The following AJAP1 variants were observed in gnomAD, a reference collection of about 807,000 sequenced individuals.
AJAP1 encodes the protein adherens junction-associated protein 1.
A neutral mutation model predicts 35.0 loss-of-function variants in AJAP1; 5 were observed. The observed-to-expected ratio is 0.14, with a 90% CI of 0.07 to 0.30. The LOEUF (loss-of-function observed/expected upper bound fraction) is 0.30. AJAP1 is among the 10% of genes least tolerant of loss of function. The pLI, the probability that AJAP1 is intolerant of heterozygous loss-of-function variation, is 1.00. For missense variants in AJAP1, 586 were observed against 571.0 expected, an observed-to-expected ratio of 1.03 and a Z score of -0.27; for synonymous variants, 284 against 249.3, an observed-to-expected ratio of 1.14 and a Z score of -1.31.
chr1:4,769,729 C>T lies in AJAP1; in HGVS notation c.830-124C>T. The T allele has an allele frequency of 8.6e-6, 7 of 811,018 alleles. No individual in the cohort carries two copies. In the South Asian group the frequency reaches 9.9e-5, roughly 11 times the overall value. 50.2% of individuals were successfully genotyped at this position (811,018 alleles called of 1,614,324 possible). On this transcript the variant is annotated intron_variant, in intron 2 of 5. Coordinates refer to ENST00000378191, the MANE Select transcript of AJAP1 (RefSeq NM_018836.4). ...CACCTGTCATGCTGCCCCGAGTTCC[C>T]CGCTGCGGATGGGACCTGGCATCCC...
chr1:4,676,131 G>A (rs889051856), intron 1 of AJAP1, among the ~76,000 whole-genome samples: 2 of 152,152 alleles, frequency 1.3e-5, no homozygotes, highest in African/African-American at 2.4e-5. Flanking sequence ...GATCCCCGGC[G>A]AGTTCATGAT....
intron 4 of AJAP1, among the ~76,000 whole-genome samples, chr1:4,773,118 TA>T (rs1641875534): frequency 2.0e-5 from 3 of 152,204 alleles, no homozygotes; most frequent in Admixed American, 2.0e-4. Flanking sequence ...TGTCCAGAAT[TA>T]AATTAAAGTA....
At position 4,656,824 on chromosome 1, in the gene AJAP1, C is replaced by A. The variant is rs1638892946; in HGVS notation, c.29+1370C>A. ...TGTGGGATATTGGTCGGGCGTGAAT[C>A]GATAAGTGTGCTTGGGCTAGATAAG... On this transcript the variant is annotated intron_variant, in intron 1 of 5. Transcript: ENST00000378191. This position sits in a 1 kb window ranked among gnomAD's most constrained non-coding sequence, Gnocchi z 5.7. 1.3e-5 allele frequency among the ~76,000 whole-genome samples: 2 copies of A among 152,100 alleles called. No individual in the cohort carries two copies. Among genetic ancestry groups the A allele is most frequent in the Admixed American group, 1.3e-4 (2 of 15,266 alleles).
In AJAP1 at chr1:4,681,849, C is replaced by G. The variant is rs548073695; in HGVS notation, c.29+26395C>G. On this transcript the variant is annotated intron_variant, in intron 1 of 5. Transcript: ENST00000378191. The stretch of plus-strand genomic sequence containing the variant: ...GGCGATTCACTCATGATCTCTGCCT[C>G]GGTCTCCCCACCTGCAAAATGAAGG... Among the ~76,000 whole-genome samples, 155 of 152,244 alleles carry G rather than the reference C, an allele frequency of 1.0e-3. 1 individual carries two copies. The highest frequency in any genetic ancestry group is 1.9e-3 in the Non-Finnish European group (127 of 68,018).
chr1:4,673,072 G>A (rs1019968249), intron 1 of AJAP1, among the ~76,000 whole-genome samples: 3 of 152,194 alleles, frequency 2.0e-5, no homozygotes, highest in Non-Finnish European at 4.4e-5. Flanking sequence ...CTGACAACCT[G>A]AATGAGCTTG....
chr1:4,660,766 CAT>C (rs1414703921), intron 1 of AJAP1, among the ~76,000 whole-genome samples: 1 of 152,114 alleles, frequency 6.6e-6, no homozygotes, highest in Non-Finnish European at 1.5e-5. Flanking sequence ...GTCTCTACCA[CAT>C]ATTTTAGAAC....
chr1:4,691,125 T>A (rs371320133), intron 1 of AJAP1, among the ~76,000 whole-genome samples: 4 of 152,218 alleles, frequency 2.6e-5, no homozygotes, highest in African/African-American at 9.6e-5. Flanking sequence ...GAGCTCACTG[T>A]GCTTATGGTC....
chr1:4,727,574 A>T lies in AJAP1; in HGVS notation c.829+14875A>T, dbSNP rs10915593. Among the ~76,000 whole-genome samples the T allele has an allele frequency of 2.0e-3, 305 of 152,272 alleles. 3 individuals are homozygous for T. Among genetic ancestry groups the T allele is most frequent in the African/African-American group, 6.5e-3 (271 of 41,548 alleles). On this transcript the variant is annotated intron_variant, in intron 2 of 5. Coordinates refer to ENST00000378191, the MANE Select transcript of AJAP1 (RefSeq NM_018836.4). ...GGGCAGCAGAGGCGTGCTGCTGGGG[A>T]CCACGTCCCTGACACAGGACCTGGG...
intron 2 of AJAP1, among the ~76,000 whole-genome samples, chr1:4,722,034 G>A (rs944722481): frequency 1.3e-5 from 2 of 152,164 alleles, no homozygotes; most frequent in African/African-American, 4.8e-5. Context: ...CTCTGCATAG[G>A]GTCACTGGGA....
chr1:4,660,401 C>A (rs1638976260), intron 1 of AJAP1, among the ~76,000 whole-genome samples: 2 of 151,942 alleles, frequency 1.3e-5, no homozygotes, highest in Admixed American at 6.6e-5. Context: ...CGTTCTCTAT[C>A]TTGACTATAT....
In AJAP1 at chr1:4,712,030, C is replaced by T. The variant is rs369982143; in HGVS notation, c.160C>T (p.Pro54Ser). ...CCCGGGGCCGGAGTTCTGGCTCCTG[C>T]CGCGGTCGCCGCCCCGGCCGCCCCG... ...LGPGPEFWLL[P>S]RSPPRPPRLW... The change falls in exon 2 of 6, where the codon CCG (proline) becomes TCG (serine). Residue 54 changes from proline (P) to serine (S), a missense_variant. By Grantham distance (74) the Pro-to-Ser change is moderately conservative. Transcript: ENST00000378191. The T allele has an allele frequency of 7.5e-6, 12 of 1,594,494 alleles. No individual in the cohort carries two copies. The highest frequency in any genetic ancestry group is 5.5e-5 in the African/African-American group (4 of 72,778).
chr1:4,752,735 C>A (rs539325709), intron 2 of AJAP1, among the ~76,000 whole-genome samples: 16 of 152,302 alleles, frequency 1.1e-4, no homozygotes, highest in African/African-American at 3.8e-4. Flanking sequence ...AGCCCACCCC[C>A]ATGCTCCAGT....
intron 2 of AJAP1, among the ~76,000 whole-genome samples, chr1:4,737,713 T>C (rs1469470417): frequency 6.6e-6 from 1 of 152,038 alleles, no homozygotes; most frequent in Non-Finnish European, 1.5e-5. Context: ...GGCAACAGAG[T>C]GAGACCCCGT....
intron 4 of AJAP1, among the ~76,000 whole-genome samples, chr1:4,773,231 T>C (rs1031513061): frequency 3.3e-5 from 5 of 152,108 alleles, no homozygotes; most frequent in African/African-American, 9.7e-5. Flanking sequence ...CTGGGATCCA[T>C]TGTGAGCAAT....
intron 1 of AJAP1, chr1:4,711,197 T>A (rs1240027287): frequency 6.6e-6 from 1 of 152,266 alleles, no homozygotes; most frequent in Non-Finnish European, 1.5e-5. Context: ...GTAAGAAGCC[T>A]TCCCATGCAG....
chr1:4,753,535 C>G (rs541089695), intron 2 of AJAP1, among the ~76,000 whole-genome samples: 20 of 152,102 alleles, frequency 1.3e-4, no homozygotes, highest in Non-Finnish European at 2.8e-4. Flanking sequence ...TTGAAATTCT[C>G]CATCTTGTAA....
intron 2 of AJAP1, among the ~76,000 whole-genome samples, chr1:4,726,672 C>T (rs1040597077): frequency 2.0e-5 from 3 of 152,142 alleles, no homozygotes; most frequent in African/African-American, 7.2e-5. Context: ...CTGGTCTCCA[C>T]TCTCCAGAAA....
Position 4,783,133 on chromosome 1 carries a change from GATTT to G in AJAP1, c.*654_*657del. On this transcript the variant is annotated 3_prime_UTR_variant, in exon 6 of 6. Transcript: ENST00000378191. ...AATTGTGTTATAGGTTACAAAATCT[GATTT>G]ATTTAACATGCTTAGTATGAGCAGA... 3.4e-6 allele frequency: 1 copy of G among 297,460 alleles called. No individual in the cohort carries two copies. The highest frequency in any genetic ancestry group is 5.1e-5 in the Admixed American group (1 of 19,800). 18.4% of individuals were successfully genotyped at this position (297,460 alleles called of 1,614,324 possible).
At chr1:4,760,736 A>T (rs1641546437) in intron 2 of AJAP1, among the ~76,000 whole-genome samples, 1 of 152,194 alleles carries the variant, frequency 6.6e-6, no homozygotes, top group Admixed American at 6.5e-5. Context: ...CAATGTGTCT[A>T]AGCGTTTCTG....
Sources: allele counts gnomAD v4.1 joint callset (sites outside exome capture counted in the v4.1 genomes callset), GRCh38; gene constraint gnomAD v4.1.1; non-coding constraint Gnocchi (gnomAD v3.1); transcripts MANE v1.5; gene names NCBI Gene and HGNC (gene_info 2026-07-23, HGNC 2026-07-21).